Variants in LARP6 observed in about 807,000 individuals in gnomAD.
LARP6 encodes la-related protein 6.
In LARP6, 18 loss-of-function variants were observed where a neutral mutation model predicts 32.8. That is an observed-to-expected ratio of 0.55 (90% CI 0.38 to 0.81). The LOEUF is 0.81. LARP6 is among the 40% of genes least tolerant of loss of function. LARP6 has a pLI of 0.00. For synonymous variants in LARP6, 289 were observed against 267.2 expected (o/e 1.08, Z -0.80); for missense variants, 598 against 663.1 (o/e 0.90, Z 1.08).
At chr15:70,852,848 G>A (rs1352038610) in intron 1 of LARP6, among the ~76,000 whole-genome samples, 1 of 152,182 alleles carries the variant, frequency 6.6e-6, no homozygotes, top group African/African-American at 2.4e-5. Flanking sequence ...CAGTAATAGA[G>A]AATGGCTCTG....
At chr15:70,835,575 G>A (rs920164910) in intron 2 of LARP6, among the ~76,000 whole-genome samples, 14 of 152,304 alleles carry the variant, frequency 9.2e-5, no homozygotes, top group African/African-American at 2.4e-4. Context: ...CAACTTGGCC[G>A]GGACCCACTT....
At chr15:70,840,669 T>C (rs1365598467) in intron 1 of LARP6, among the ~76,000 whole-genome samples, 1 of 152,010 alleles carries the variant, frequency 6.6e-6, no homozygotes, top group Admixed American at 6.5e-5. Context: ...TGGGGCCGGG[T>C]GTGTGCTAAT....
At position 70,832,282 on chromosome 15, in the gene LARP6, A is replaced by G; in HGVS notation, c.1246T>C (p.Cys416Arg). 1 of 1,614,122 alleles carries G rather than the reference A, an allele frequency of 6.2e-7. No homozygotes were observed. The highest frequency in any genetic ancestry group is 8.5e-7 in the Non-Finnish European group (1 of 1,180,018). Reference sequence around the variant, plus strand: ...CTGCTGTCAGAGGAATAATCCATACACTTGCGGAAGATCTCAGGGCTGGTG... The same window carrying G: ...CTGCTGTCAGAGGAATAATCCATACGCTTGCGGAAGATCTCAGGGCTGGTG... ...CSTSPEIFRK[C>R]MDYSSDSSVT... The change falls in exon 3 of 3, where the codon TGT becomes CGT. Residue 416 changes from cysteine (C) to arginine (R), a missense_variant. Physicochemically the swap from Cys to Arg is radical, Grantham distance 180. This residue lies in a region of LARP6 where 368 missense variants were observed against 397.9 expected (regional missense o/e 0.92). Coordinates refer to ENST00000299213, the MANE Select transcript of LARP6 (RefSeq NM_018357.4).
intron 1 of LARP6, among the ~76,000 whole-genome samples, chr15:70,845,292 C>T (rs1274401720): frequency 6.6e-6 from 1 of 152,170 alleles, no homozygotes; most frequent in Non-Finnish European, 1.5e-5. Context: ...ATTAAGCTGT[C>T]ATGTCTCCTG....
Position 70,831,409 on chromosome 15 carries a change from A to T in LARP6, c.*643T>A, listed in dbSNP as rs551653908. On this transcript the variant is annotated 3_prime_UTR_variant, in exon 3 of 3. Coordinates refer to ENST00000299213, the MANE Select transcript of LARP6 (RefSeq NM_018357.4). ...CCCATAAATGTGTACAAATAAAAAA[A>T]TTTTTAAATGTTCTCTTAAAGAAAA... The T allele has an allele frequency of 3.9e-5, 6 of 152,334 alleles. No homozygotes were observed. The South Asian group carries it at 1.0e-3, about 26-fold the overall frequency. 9.4% of individuals were successfully genotyped at this position (152,334 alleles called of 1,614,324 possible).
chr15:70,835,048 A>G (rs967821881), intron 2 of LARP6, among the ~76,000 whole-genome samples: 1 of 152,212 alleles, frequency 6.6e-6, no homozygotes, highest in Non-Finnish European at 1.5e-5. Context: ...CTGGGGAGGA[A>G]TAAAGAGACG....
intron 1 of LARP6, among the ~76,000 whole-genome samples, chr15:70,846,444 A>G (rs141243270): frequency 0.011 from 1,675 of 152,196 alleles, 15 homozygotes; most frequent in Non-Finnish European, 0.015. Flanking sequence ...CCCTGTCTCT[A>G]CAAAAAATTT....
At chr15:70,841,440 C>T (rs1055136984) in intron 1 of LARP6, among the ~76,000 whole-genome samples, 1 of 152,168 alleles carries the variant, frequency 6.6e-6, no homozygotes, top group Non-Finnish European at 1.5e-5. Flanking sequence ...CATCAAAGAA[C>T]TTGTAGCCAT....
chr15:70,851,525 G>C, intron 1 of LARP6: 4 of 1,498,834 alleles, frequency 2.7e-6, no homozygotes, highest in Non-Finnish European at 3.6e-6. Flanking sequence ...AAAGGAATAA[G>C]ATAAGGCAGC....
chr15:70,847,687 T>C (rs898931410), intron 1 of LARP6, among the ~76,000 whole-genome samples: 2 of 152,204 alleles, frequency 1.3e-5, no homozygotes, highest in Admixed American at 6.5e-5. Context: ...ACAAAAGGAT[T>C]TGTAGCATAA....
chr15:70,851,443 G>A, intron 1 of LARP6: 1 of 1,273,254 alleles, frequency 7.9e-7, no homozygotes, highest in Non-Finnish European at 1.0e-6. Flanking sequence ...AGGCTGTAAA[G>A]ACTTTTCTTT....
At chr15:70,851,440 A>G (rs1206353696) in intron 1 of LARP6, 3 of 1,266,876 alleles carry the variant, frequency 2.4e-6, no homozygotes, top group African/African-American at 3.0e-5. Flanking sequence ...TAGAGGCTGT[A>G]AAGACTTTTC....
At chr15:70,843,730 A>C (rs1455492398) in intron 1 of LARP6, among the ~76,000 whole-genome samples, 2 of 130,184 alleles carry the variant, frequency 1.5e-5, no homozygotes, top group Admixed American at 1.0e-4. Context: ...ATCTTGGCTC[A>C]CTGCAACCTC....
chr15:70,851,840 G>T (rs561473116), intron 1 of LARP6: 1 of 1,524,070 alleles, frequency 6.6e-7, no homozygotes, highest in East Asian at 2.3e-5. Context: ...GGGGATTGGG[G>T]GTGGTGGAGA....
intron 1 of LARP6, chr15:70,849,818 T>C (rs1167710953): frequency 6.6e-6 from 1 of 152,210 alleles, no homozygotes; most frequent in African/African-American, 2.4e-5. Flanking sequence ...AGTGTGACTA[T>C]TATATCAAAT....
chr15:70,835,408 C>T lies in LARP6; in HGVS notation c.411+887G>A, dbSNP rs569662101. On this transcript the variant is annotated intron_variant, in intron 2 of 2. Transcript: ENST00000299213. ...TACGATCTTCACTCTGTACATCCTGCGCCTAGCACAGCACTCAGCAGAGAC... is the reference window on the plus strand; with the variant it reads ...TACGATCTTCACTCTGTACATCCTGTGCCTAGCACAGCACTCAGCAGAGAC... Among the ~76,000 whole-genome samples, 12 of 152,256 alleles carry T rather than the reference C, an allele frequency of 7.9e-5. No individual in the cohort carries two copies. The South Asian group carries it at 1.2e-3, about 16-fold the overall frequency.
At chr15:70,852,395 T>C (rs931909171) in intron 1 of LARP6, 16 of 392,308 alleles carry the variant, frequency 4.1e-5, no homozygotes, top group Middle Eastern at 3.7e-4. Context: ...TGGTTTCTCC[T>C]AGACCTCCAT....
rs538026383 is a variant in LARP6, at chr15:70,848,894, T to G, written c.200+4995A>C. The G allele has an allele frequency of 3.3e-5, 5 of 152,350 alleles. No individual in the cohort carries two copies. The East Asian group carries it at 9.6e-4, about 29-fold the overall frequency. The allele number at this position is 152,350 out of a possible 1,614,324, so 9.4% of individuals were successfully genotyped here. ...GGTTTTTATTGTTCATATTAATATT[T>G]AATATTATAACTTTGAATCATTTTT... On this transcript the variant is annotated intron_variant, in intron 1 of 2. Transcript: ENST00000299213.
chr15:70,843,119 C>A (rs2032285782), intron 1 of LARP6, among the ~76,000 whole-genome samples: 1 of 152,134 alleles, frequency 6.6e-6, no homozygotes. Context: ...CAACTACTTT[C>A]CCTATTCACT....
Sources: allele counts gnomAD v4.1 joint callset (sites outside exome capture counted in the v4.1 genomes callset), GRCh38; gene constraint gnomAD v4.1.1; regional missense constraint gnomAD v4.1.1; transcripts MANE v1.5; gene names NCBI Gene and HGNC (gene_info 2026-07-23, HGNC 2026-07-21).